TENM1: variants seen among roughly 807,000 people sequenced by gnomAD.
TENM1 encodes teneurin transmembrane protein 1.
A neutral mutation model predicts 174.8 loss-of-function variants in TENM1; 35 were observed. The observed-to-expected ratio is 0.20, with a 90% confidence interval of 0.15 to 0.27. The LOEUF (loss-of-function observed/expected upper bound fraction) is 0.27, where lower values mean the gene tolerates loss of function less well. Ranked by LOEUF, TENM1 falls within the 10% of genes least tolerant of loss-of-function variation. The pLI is 1.00. For synonymous variants in TENM1, 781 were observed against 798.7 expected, an observed-to-expected ratio of 0.98 and a Z score of 0.37; for missense variants, 1,633 against 2,130.1, an observed-to-expected ratio of 0.77 and a Z score of 4.59.
chrX:124,469,682 A>T (rs2061278940), intron 22 of TENM1, among the ~76,000 whole-genome samples: 1 of 111,373 alleles, frequency 9.0e-6, no homozygotes, highest in South Asian at 3.8e-4. Context: ...TATATTGATA[A>T]ATCTGACCAT....
chrX:124,645,034 T>A lies in TENM1; in HGVS notation c.1876+109A>T. 1.3e-5 allele frequency: 10 copies of A among 750,068 alleles called. No individual in the cohort carries two copies. In the South Asian group the frequency reaches 2.7e-4, roughly 20 times the overall value. The allele number at this position is 750,068 out of a possible 1,213,427, so 61.8% of individuals were successfully genotyped here. On this transcript the variant is annotated intron_variant, in intron 10 of 31. Coordinates refer to ENST00000422452, the Ensembl canonical transcript of TENM1. ...GCTGCATGTACTAAGACGCTGAGCA[T>A]TTATTGTTTGCAAAGGCCACTTGCA... is the stretch of plus-strand genomic sequence containing the variant.
the TENM1 span, among the ~76,000 whole-genome samples, chrX:125,137,344 C>T: frequency 1.0e-4 from 11 of 109,805 alleles, no homozygotes; most frequent in African/African-American, 3.3e-4. Context: ...GTCATTTTGA[C>T]CACTTTAAAA....
intron 3 of TENM1, among the ~76,000 whole-genome samples, chrX:124,745,138 G>A (rs992976776): frequency 3.6e-5 from 4 of 111,823 alleles, no homozygotes; most frequent in Admixed American, 2.9e-4. Flanking sequence ...AAAGGCTGAA[G>A]AAAATGTTCT....
chrX:125,094,168 G>A, the TENM1 span, among the ~76,000 whole-genome samples: 1 of 112,194 alleles, frequency 8.9e-6, no homozygotes, highest in Non-Finnish European at 1.9e-5. Flanking sequence ...CCTGCTGACT[G>A]TCTGATATCA....
At chrX:124,865,113 A>C (rs1419308117) in intron 3 of TENM1, among the ~76,000 whole-genome samples, 1 of 111,877 alleles carries the variant, frequency 8.9e-6, no homozygotes, top group Non-Finnish European at 1.9e-5. Flanking sequence ...AGAAATGCTA[A>C]AGGGAGTACT....
chrX:124,405,499 G>A (rs1438798688), intron 26 of TENM1, among the ~76,000 whole-genome samples: 1 of 111,590 alleles, frequency 9.0e-6, no homozygotes, highest in Non-Finnish European at 1.9e-5. Context: ...AAAGACTCTT[G>A]TCTAACACTG....
intron 15 of TENM1, among the ~76,000 whole-genome samples, chrX:124,540,820 A>G (rs1217606951): frequency 8.9e-6 from 1 of 111,756 alleles, no homozygotes; most frequent in East Asian, 2.8e-4. Flanking sequence ...TTTTCTTGCG[A>G]GACAGAATAA....
intron 3 of TENM1, among the ~76,000 whole-genome samples, chrX:124,737,604 A>G (rs970150187): frequency 8.9e-6 from 1 of 112,045 alleles, no homozygotes; most frequent in Non-Finnish European, 1.9e-5. Flanking sequence ...AATTTGTTGC[A>G]AGGAAAATCA....
Position 124,623,269 on chromosome X carries a change from G to A in TENM1, c.2077+18522C>T, listed in dbSNP as rs886783238. 3.6e-5 allele frequency among the ~76,000 whole-genome samples: 4 copies of A among 111,072 alleles called. No homozygotes were observed. The East Asian group carries it at 8.4e-4, about 23-fold the overall frequency. On this transcript the variant is annotated intron_variant, in intron 11 of 31. Coordinates refer to ENST00000422452, the Ensembl canonical transcript of TENM1. ...TGTGATTGTGTGAGTGTGCATATAT[G>A]TGTGAGTGTGCAAGAGTCTGAGTAT...
At chrX:125,147,150 T>TA in the TENM1 span, among the ~76,000 whole-genome samples, 1 of 99,775 alleles carries the variant, frequency 1.0e-5, no homozygotes, top group Non-Finnish European at 2.2e-5. Context: ...TGTATATATA[T>TA]CACATATATG....
chrX:124,827,431 T>C (rs971993945), intron 3 of TENM1, among the ~76,000 whole-genome samples: 2 of 112,073 alleles, frequency 1.8e-5, no homozygotes, highest in Admixed American at 1.9e-4. Context: ...AATAAGGAAG[T>C]GTAAATACTG....
chrX:125,003,444 C>A, the TENM1 span, among the ~76,000 whole-genome samples: 3 of 111,644 alleles, frequency 2.7e-5, no homozygotes, highest in Non-Finnish European at 3.8e-5. Context: ...TGATTCTTCT[C>A]CAATTCAATA....
the TENM1 span, among the ~76,000 whole-genome samples, chrX:125,088,334 G>A: frequency 9.0e-6 from 1 of 111,201 alleles, no homozygotes; most frequent in Non-Finnish European, 1.9e-5. Context: ...CTGTAATGTG[G>A]TATCCTGGAT....
chrX:125,130,446 G>T, the TENM1 span, among the ~76,000 whole-genome samples: 18 of 110,340 alleles, frequency 1.6e-4, 1 homozygote, highest in Admixed American at 1.7e-3. Flanking sequence ...AAAAACAGCA[G>T]GCAAATTTGG....
the TENM1 span, among the ~76,000 whole-genome samples, chrX:125,068,251 T>C: frequency 9.0e-6 from 1 of 110,903 alleles, no homozygotes; most frequent in Non-Finnish European, 1.9e-5. Context: ...TGGCCTGGGG[T>C]CCTGCTCCAT....
chrX:124,649,429 C>G (rs1294697100), intron 8 of TENM1, among the ~76,000 whole-genome samples: 1 of 112,409 alleles, frequency 8.9e-6, no homozygotes, highest in Non-Finnish European at 1.9e-5. Context: ...GTCTGTGAGA[C>G]CTTGCCAAAT....
the TENM1 span, among the ~76,000 whole-genome samples, chrX:125,161,235 A>G: frequency 5.4e-5 from 6 of 111,422 alleles, no homozygotes; most frequent in African/African-American, 2.0e-4. Flanking sequence ...TAGTATTTGC[A>G]TGTATCCTAC....
In TENM1 at chrX:124,896,043, C is replaced by T. The variant is rs766122914; in HGVS notation, c.416G>A (p.Arg139Gln). 66 of 1,209,589 alleles carry T rather than the reference C, an allele frequency of 5.5e-5. No homozygotes were observed. Among genetic ancestry groups the T allele is most frequent in the Middle Eastern group, 2.3e-4 (1 of 4,370 alleles). The change falls in exon 2 of 32, where the codon CGG becomes CAG. Residue 139 changes from arginine to glutamine, a missense_variant. By Grantham distance (43) the Arg-to-Gln change is conservative. Coordinates refer to ENST00000422452, the Ensembl canonical transcript of TENM1. ...AGTCAAGGATAATGCAGAGTTGGCC[C>T]GGCTGGACAAACAGGAACTATGCTC... is the stretch of plus-strand genomic sequence containing the variant.
chrX:124,420,327 A>C, exon 25 of TENM1: 1 of 1,202,928 alleles, frequency 8.3e-7, no homozygotes, highest in Non-Finnish European at 1.1e-6. Context: ...ACGGTTGTCC[A>C]TCCATTTTCG....
Sources: allele counts gnomAD v4.1 joint callset (sites outside exome capture counted in the v4.1 genomes callset), GRCh38; gene constraint gnomAD v4.1.1; transcripts MANE v1.5; gene names NCBI Gene and HGNC (gene_info 2026-07-23, HGNC 2026-07-21).